TMC1: variants seen among roughly 807,000 people sequenced by gnomAD.
TMC1 encodes the protein transmembrane channel like 1, also known as transmembrane channel-like protein 1.
A neutral mutation model predicts 105.8 loss-of-function variants in TMC1; 84 were observed. The ratio of observed to expected loss-of-function variants is 0.79; its 90% CI spans 0.67 to 0.95. TMC1 has a LOEUF of 0.95. Among genes scored for constraint, TMC1 ranks in the 40% least tolerant of loss-of-function variants. The probability of loss-of-function intolerance (pLI) is 0.00; values close to 1 mark genes in which losing one functional copy is unlikely to be tolerated. For synonymous variants in TMC1, 315 were observed against 311.5 expected (o/e 1.01, Z -0.12); for missense variants, 817 against 914.1 (o/e 0.89, Z 1.37).
chr9:72,779,219 G>A (rs1287168940), intron 13 of TMC1, among the ~76,000 whole-genome samples: 2 of 152,198 alleles, frequency 1.3e-5, no homozygotes, highest in African/African-American at 4.8e-5. Context: ...AATGAAGCCA[G>A]TTGACTAGAC....
At chr9:72,584,348 C>T (rs940294839) in intron 2 of TMC1, among the ~76,000 whole-genome samples, 3 of 151,736 alleles carry the variant, frequency 2.0e-5, no homozygotes, top group African/African-American at 7.3e-5. Context: ...TCACTGCAAC[C>T]TCCACCTTCA....
intron 4 of TMC1, among the ~76,000 whole-genome samples, chr9:72,635,512 T>G (rs922814717): frequency 3.3e-5 from 5 of 152,176 alleles, no homozygotes; most frequent in Non-Finnish European, 7.3e-5. Context: ...TCTTAGAAAA[T>G]TCCAAGGGCT....
At chr9:72,568,251 C>T (rs1208243405) in intron 1 of TMC1, among the ~76,000 whole-genome samples, 2 of 152,104 alleles carry the variant, frequency 1.3e-5, no homozygotes, top group South Asian at 2.1e-4. Flanking sequence ...GCCCTATAGA[C>T]AGTCACAAGC....
In TMC1 at chr9:72,733,490, A is replaced by C. The variant is rs1827248320; in HGVS notation, c.363-6629A>C. 2.6e-5 allele frequency among the ~76,000 whole-genome samples: 4 copies of C among 152,098 alleles called. 1 individual carries two copies. In the South Asian group the frequency reaches 8.3e-4, roughly 32 times the overall value. ...GCCTGGAAGTACCTAGTTATTTCTT[A>C]ACTTTGTAGTTTGGAGATTCAGCAT... On this transcript the variant is annotated intron_variant, in intron 8 of 23. Coordinates refer to ENST00000297784, the MANE Select transcript of TMC1 (RefSeq NM_138691.3).
chr9:72,809,881 A>C (rs1318959888), intron 18 of TMC1, among the ~76,000 whole-genome samples: 2 of 152,058 alleles, frequency 1.3e-5, no homozygotes, highest in East Asian at 1.9e-4. Flanking sequence ...CTTTTCTCTT[A>C]CAAGCTCCCG....
intron 1 of TMC1, among the ~76,000 whole-genome samples, chr9:72,564,729 T>A (rs528299237): frequency 6.6e-6 from 1 of 152,302 alleles, no homozygotes; most frequent in South Asian, 2.1e-4. Flanking sequence ...TGAAAGGCTC[T>A]TCTCCCCCTT....
rs12115185 is a variant in TMC1 at position 72,767,238 on chromosome 9, C to T, written c.742-5175C>T. On this transcript the variant is annotated intron_variant, in intron 12 of 23. Coordinates refer to ENST00000297784, the MANE Select transcript of TMC1 (RefSeq NM_138691.3). ...AGATATGCTTAAAAAATTATATCTT[C>T]CTTTCCTACCAGTTTTACTTTATAC... Among the ~76,000 whole-genome samples, 1,184 of 152,298 alleles carry T rather than the reference C, an allele frequency of 7.8e-3. 16 individuals carry two copies. Among genetic ancestry groups the T allele is most frequent in the African/African-American group, 0.028 (1,146 of 41,562 alleles).
At chr9:72,650,883 G>GAT (rs1288685250) in intron 5 of TMC1, among the ~76,000 whole-genome samples, 2 of 98,410 alleles carry the variant, frequency 2.0e-5, no homozygotes, top group Admixed American at 1.0e-4. Context: ...TATATATATA[G>GAT]ATATATAGAT....
At chr9:72,550,065 G>A (rs1449144960) in intron 1 of TMC1, among the ~76,000 whole-genome samples, 1 of 151,776 alleles carries the variant, frequency 6.6e-6, no homozygotes, top group Non-Finnish European at 1.5e-5. Flanking sequence ...CATTTTAAAT[G>A]GAGGTAGAAT....
intron 23 of TMC1, among the ~76,000 whole-genome samples, chr9:72,834,850 C>T (rs554606620): frequency 1.3e-5 from 2 of 152,128 alleles, no homozygotes; most frequent in East Asian, 3.9e-4. Flanking sequence ...ATAACCCCCA[C>T]CCCTTTGCCC....
rs1313914095 is a variant in TMC1 at position 72,742,307 on chromosome 9, C to T, written c.454-137C>T. The stretch of plus-strand genomic sequence containing the variant: ...AAACAAGTGAAACCTACTGTTTCCC[C>T]CTTTGACTAGAAAGTAGTATTTGCT... On this transcript the variant is annotated intron_variant, in intron 9 of 23. Coordinates refer to ENST00000297784, the MANE Select transcript of TMC1 (RefSeq NM_138691.3). 7 of 733,226 alleles carry T rather than the reference C, an allele frequency of 9.5e-6. No individual in the cohort carries two copies. In the African/African-American group the frequency reaches 1.0e-4, roughly 11 times the overall value. 45.4% of individuals were successfully genotyped at this position (733,226 alleles called of 1,614,324 possible). A position where few individuals can be genotyped will look rare whatever the true frequency, so the allele number is the denominator to read the frequency against.
chr9:72,598,973 G>A (rs764808659), intron 2 of TMC1, among the ~76,000 whole-genome samples: 1 of 152,158 alleles, frequency 6.6e-6, no homozygotes, highest in Admixed American at 6.5e-5. Flanking sequence ...GGAATTTGTA[G>A]GAAAGGCTTG....
chr9:72,806,326 C>T lies in TMC1; in HGVS notation c.1695+816C>T, dbSNP rs1325959429. 1.6e-3 allele frequency among the ~76,000 whole-genome samples: 226 copies of T among 144,960 alleles called. 1 individual carries two copies. The highest frequency in any genetic ancestry group is 4.4e-3 in the Middle Eastern group (1 of 228). On this transcript the variant is annotated intron_variant, in intron 18 of 23. Coordinates refer to ENST00000297784, the MANE Select transcript of TMC1 (RefSeq NM_138691.3). ...GCAGAGGCGCCCCTCACCTCCTGGA[C>T]GGGGCGGCTGGCCGGGTGGGGGGCT...
intron 5 of TMC1, chr9:72,656,217 AC>A (rs1825882712): frequency 2.0e-6 from 1 of 502,888 alleles, no homozygotes; most frequent in South Asian, 1.6e-5. Flanking sequence ...TTCCTGACCT[AC>A]TTGTTCCGGC....
At chr9:72,757,384 C>T (rs1827690555) in intron 12 of TMC1, among the ~76,000 whole-genome samples, 1 of 152,282 alleles carries the variant, frequency 6.6e-6, no homozygotes, top group Admixed American at 6.5e-5. Context: ...GTATCTACCT[C>T]AAAAAGCATC....
chr9:72,765,443 G>A (rs1373630322), intron 12 of TMC1, among the ~76,000 whole-genome samples: 1 of 151,922 alleles, frequency 6.6e-6, no homozygotes, highest in African/African-American at 2.4e-5. Context: ...TCTTGAACCA[G>A]CTTTAAAGAA....
At chr9:72,563,619 C>T (rs1246265310) in intron 1 of TMC1, among the ~76,000 whole-genome samples, 1 of 152,032 alleles carries the variant, frequency 6.6e-6, no homozygotes, top group East Asian at 1.9e-4. Context: ...AATAAATTGA[C>T]TGGGCGCAGT....
At chr9:72,575,804 C>A (rs1009430381) in intron 1 of TMC1, among the ~76,000 whole-genome samples, 1 of 152,272 alleles carries the variant, frequency 6.6e-6, no homozygotes, top group East Asian at 1.9e-4. Context: ...CAATCCAGGG[C>A]TTGTGACATT....
chr9:72,711,717 T>C (rs1422149498), intron 8 of TMC1, among the ~76,000 whole-genome samples: 3 of 152,148 alleles, frequency 2.0e-5, no homozygotes, highest in Non-Finnish European at 4.4e-5. Context: ...ATTCTGTAGA[T>C]TGCCTGTCCA....
Sources: gnomAD v4.1 joint callset for allele counts (sites outside exome capture counted in the v4.1 genomes callset) on GRCh38, gnomAD v4.1.1 for gene constraint, MANE v1.5 for transcripts, NCBI Gene and HGNC (gene_info 2026-07-23, HGNC 2026-07-21) for gene names.